ARSF: variants seen among roughly 807,000 people sequenced by gnomAD.
ARSF encodes arylsulfatase F.
Under a neutral mutation model 35.4 loss-of-function variants are expected in ARSF, and 33 were observed. The observed-to-expected ratio is 0.93, with a 90% confidence interval of 0.71 to 1.25. The LOEUF (loss-of-function observed/expected upper bound fraction) is 1.25. Among genes scored for constraint, ARSF ranks in the 50% most tolerant of loss-of-function variants. The probability of loss-of-function intolerance (pLI) is 0.00; values close to 1 mark genes in which losing one functional copy is unlikely to be tolerated. For synonymous variants in ARSF, 222 were observed against 193.1 expected (o/e 1.15, Z -1.24); for missense variants, 501 against 480.2 (o/e 1.04, Z -0.40).
rs147128429 is a variant in ARSF at position 3,094,201 on chromosome X, G to C, written c.967+4569G>C. 9.8e-3 allele frequency among the ~76,000 whole-genome samples: 1,102 copies of C among 111,915 alleles called. 15 individuals are homozygous for C. The highest frequency in any genetic ancestry group is 0.033 in the African/African-American group (1,033 of 30,847). On this transcript the variant is annotated intron_variant, in intron 7 of 10. Transcript: ENST00000381127. ...GTTTATCTCCATTCACAGAGAAGGA[G>C]GCAAAAGTATGTGGCCTTTGGTGGC...
In ARSF at chrX:3,056,472, C is replaced by T. The variant is rs187874558; in HGVS notation, c.-28-11601C>T. On this transcript the variant is annotated intron_variant, in intron 1 of 10. Transcript: ENST00000381127. ...TATATTTTTAGTAGAGACGGCGTTTCGCCCTGTTGGCCAGGCTGGTCTCGA... is the reference window on the plus strand; with the variant it reads ...TATATTTTTAGTAGAGACGGCGTTTTGCCCTGTTGGCCAGGCTGGTCTCGA... Among the ~76,000 whole-genome samples, 149 of 108,579 alleles carry T rather than the reference C, an allele frequency of 1.4e-3. 1 individual carries two copies. Among genetic ancestry groups the T allele is most frequent in the Non-Finnish European group, 1.9e-3 (101 of 52,307 alleles). The allele number at this position is 108,579 out of a possible 115,157, so 94.3% of individuals were successfully genotyped here.
At chrX:3,069,663 T>A (rs1486965372) in intron 2 of ARSF, among the ~76,000 whole-genome samples, 3 of 111,512 alleles carry the variant, frequency 2.7e-5, no homozygotes, top group Non-Finnish European at 5.7e-5. Flanking sequence ...TCTTTTTATA[T>A]TATGAATATT....
At chrX:3,094,420 C>A (rs771429704) in intron 7 of ARSF, among the ~76,000 whole-genome samples, 4 of 111,965 alleles carry the variant, frequency 3.6e-5, no homozygotes, top group African/African-American at 9.7e-5. Context: ...AAAAACTTCC[C>A]CCAACCTGGC....
At chrX:3,062,411 A>G (rs1245158179) in intron 1 of ARSF, among the ~76,000 whole-genome samples, 1 of 111,757 alleles carries the variant, frequency 8.9e-6, no homozygotes, top group Non-Finnish European at 1.9e-5. Flanking sequence ...GCAAGAGCAA[A>G]CACATTCAAA....
rs369069386 is a variant in ARSF at position 3,076,751 on chromosome X, C to G, written c.283+82C>G. On this transcript the variant is annotated intron_variant, in intron 4 of 10. Transcript: ENST00000381127. Reference sequence around the variant, plus strand: ...CAAAAATGTGGCTTGACCACGTTAACAAGTAAAAAAGGGCTGGGCACGATG... The same window carrying G: ...CAAAAATGTGGCTTGACCACGTTAAGAAGTAAAAAAGGGCTGGGCACGATG... The G allele has an allele frequency of 1.3e-3, 1,468 of 1,139,844 alleles. 25 individuals carry two copies. The South Asian group carries it at 0.023, about 18-fold the overall frequency. The allele number at this position is 1,139,844 out of a possible 1,213,427, so 93.9% of individuals were successfully genotyped here.
intron 8 of ARSF, 26 bp from the exon 9 acceptor site, chrX:3,103,736 T>C (rs1308131940): frequency 2.5e-6 from 3 of 1,205,900 alleles, no homozygotes; most frequent in East Asian, 3.0e-5. Context: ...GGCACAATAA[T>C]TGAACTTAAT....
rs1259599488 is a variant in ARSF at position 3,100,071 on chromosome X, C to T, written c.968-1016C>T. 3.8e-4 allele frequency among the ~76,000 whole-genome samples: 42 copies of T among 111,695 alleles called. No homozygotes were observed. In the Admixed American group the frequency reaches 4.0e-3, roughly 11 times the overall value. ...GAACTCTAGGAATTTAGCTATTTTC[C>T]TATAAAAATGATTGGAAATGTGGTT... is the stretch of plus-strand genomic sequence containing the variant. On this transcript the variant is annotated intron_variant, in intron 7 of 10. Coordinates refer to ENST00000381127, the MANE Select transcript of ARSF (RefSeq NM_001201539.2).
At chrX:3,081,651 G>A (rs745626217) in intron 5 of ARSF, among the ~76,000 whole-genome samples, 1 of 111,666 alleles carries the variant, frequency 9.0e-6, no homozygotes, top group South Asian at 3.8e-4. Context: ...TCTTCACACA[G>A]CTCAGTGATA....
At chrX:3,104,540 G>A (rs2090400564) in intron 9 of ARSF, among the ~76,000 whole-genome samples, 1 of 112,496 alleles carries the variant, frequency 8.9e-6, no homozygotes, top group Non-Finnish European at 1.9e-5. Context: ...TGGAAATGCA[G>A]CTATTCCTTT....
chrX:3,112,472 G>A lies in ARSF; in HGVS notation c.1689G>A (p.Lys563=), dbSNP rs45556844. 272 of 1,209,680 alleles carry A rather than the reference G, an allele frequency of 2.2e-4. No individual in the cohort carries two copies. Among genetic ancestry groups the A allele is most frequent in the Non-Finnish European group, 2.6e-4 (235 of 895,228 alleles). ...SELNQGRTWL[K]PCCGVFPFCL... is the part of the protein sequence containing the mutation. ...TGAATCAGGGCAGGACGTGGCTGAA[G>A]CCTTGCTGTGGGGTGTTCCCATTTT... is the stretch of plus-strand genomic sequence containing the variant. Residue 563 remains lysine (K), a synonymous_variant, in exon 11 of 11, where the codon AAG becomes AAA. Transcript: ENST00000381127.
intron 7 of ARSF, among the ~76,000 whole-genome samples, chrX:3,094,079 T>C (rs923419184): frequency 8.9e-6 from 1 of 112,076 alleles, no homozygotes; most frequent in Non-Finnish European, 1.9e-5. Context: ...TAAACACTTT[T>C]AAAAGTGATA....
At chrX:3,041,277 T>C (rs1211913019), upstream of ARSF, among the ~76,000 whole-genome samples, 2 of 89,011 alleles carry the variant, frequency 2.2e-5, no homozygotes, top group Non-Finnish European at 4.1e-5. Flanking sequence ...TACTTTTTGT[T>C]CTTTTCTTTT....
chrX:3,096,905 G>C (rs149196136), intron 7 of ARSF, among the ~76,000 whole-genome samples: 71 of 111,206 alleles, frequency 6.4e-4, no homozygotes, highest in African/African-American at 2.1e-3. Flanking sequence ...GTGGAATCAA[G>C]TTAAGATGAG....
chrX:3,090,067 C>G (rs998697973), intron 7 of ARSF, among the ~76,000 whole-genome samples: 7 of 111,094 alleles, frequency 6.3e-5, no homozygotes, highest in Admixed American at 2.9e-4. Context: ...ACCCTTCCCC[C>G]ACTCCTTCCT....
rs185865991 is a variant in ARSF at position 3,085,261 on chromosome X, G to A, written c.830+595G>A. Among the ~76,000 whole-genome samples, 108 of 107,178 alleles carry A rather than the reference G, an allele frequency of 1.0e-3. 1 individual carries two copies. In the East Asian group the frequency reaches 0.028, roughly 28 times the overall value. 93.1% of individuals were successfully genotyped at this position (107,178 alleles called of 115,157 possible). ...TGTCATCATGTTAACTTACAACAGG[G>A]AATATGTACATATACAATATGTATA... On this transcript the variant is annotated intron_variant, in intron 6 of 10. Coordinates refer to ENST00000381127, the MANE Select transcript of ARSF (RefSeq NM_001201539.2).
intron 6 of ARSF, among the ~76,000 whole-genome samples, chrX:3,089,214 G>A (rs975863382): frequency 1.8e-5 from 2 of 111,862 alleles, no homozygotes; most frequent in African/African-American, 6.5e-5. Flanking sequence ...TATGCTGCAA[G>A]CTTAGTTCAT....
chrX:3,092,897 G>A (rs902108670), intron 7 of ARSF, among the ~76,000 whole-genome samples: 1 of 112,296 alleles, frequency 8.9e-6, no homozygotes, highest in Non-Finnish European at 1.9e-5. Context: ...AGGTGGCCGG[G>A]CGCGGTGGCT....
rs1426850924 is a variant in ARSF at position 3,112,294 on chromosome X, C to G, written c.1511C>G (p.Pro504Arg). ...FGEQVTYHNP[P>R]LLFDLSRDPS... ...GAACAGGTTACCTACCACAACCCCC[C>G]TCTGCTCTTCGATCTCTCCAGGGAC... Residue 504 changes from proline (P) to arginine (R), a missense_variant, in exon 11 of 11, where the codon CCT becomes CGT. Pro to Arg is a moderately radical substitution (Grantham distance 103). Coordinates refer to ENST00000381127, the MANE Select transcript of ARSF (RefSeq NM_001201539.2). 1 of 1,208,721 alleles carries G rather than the reference C, an allele frequency of 8.3e-7. No individual in the cohort carries two copies. The highest frequency in any genetic ancestry group is 1.1e-6 in the Non-Finnish European group (1 of 894,877).
At chrX:3,101,047 A>G in intron 7 of ARSF, 40 bp from the exon 8 acceptor site, 1 of 1,182,686 alleles carries the variant, frequency 8.5e-7, no homozygotes, top group Non-Finnish European at 1.1e-6. Flanking sequence ...AATACCTCAT[A>G]ATGTCATTAT....
Sources: allele counts gnomAD v4.1 joint callset (sites outside exome capture counted in the v4.1 genomes callset), GRCh38; gene constraint gnomAD v4.1.1; transcripts MANE v1.5; gene names NCBI Gene and HGNC (gene_info 2026-07-23, HGNC 2026-07-21).